The following KCNC2 variants were observed in gnomAD, a reference collection of about 807,000 sequenced individuals.
KCNC2 encodes the protein potassium voltage-gated channel subfamily C member 2.
Under a neutral mutation model 44.5 loss-of-function variants are expected in KCNC2, and 21 were observed. The ratio of observed to expected loss-of-function variants is 0.47; its 90% CI spans 0.33 to 0.68. The LOEUF (loss-of-function observed/expected upper bound fraction) is 0.68, where lower values mean the gene tolerates loss of function less well. Ranked by LOEUF, KCNC2 falls within the 30% of genes least tolerant of loss-of-function variation. The probability of loss-of-function intolerance (pLI) is 0.01; values close to 1 mark genes in which losing one functional copy is unlikely to be tolerated. For missense variants in KCNC2, 589 were observed against 826.2 expected, an observed-to-expected ratio of 0.71 and a Z score of 3.52; for synonymous variants, 391 against 339.1, an observed-to-expected ratio of 1.15 and a Z score of -1.68.
intron 2 of KCNC2, among the ~76,000 whole-genome samples, chr12:75,109,908 T>A (rs1887089184): frequency 6.6e-6 from 1 of 151,958 alleles, no homozygotes; most frequent in Non-Finnish European, 1.5e-5. Flanking sequence ...TTTTTTAAAT[T>A]GGTAGAGGAA....
At chr12:75,193,318 A>G (rs1272097083) in intron 2 of KCNC2, among the ~76,000 whole-genome samples, 2 of 152,320 alleles carry the variant, frequency 1.3e-5, no homozygotes, top group Non-Finnish European at 2.9e-5. Flanking sequence ...TAATGAATAC[A>G]TAGGTTGGAA....
At chr12:75,109,740 C>A (rs1046249277) in intron 2 of KCNC2, among the ~76,000 whole-genome samples, 1 of 151,938 alleles carries the variant, frequency 6.6e-6, no homozygotes, top group Non-Finnish European at 1.5e-5. Context: ...AAAAAGGCCA[C>A]GGAACCCAGA....
In KCNC2 at chr12:75,208,001, G is replaced by T. The variant is rs200343891; in HGVS notation, c.-18C>A. On this transcript the variant is annotated splice_region_variant and 5_prime_UTR_variant, in exon 2 of 5. Transcript: ENST00000549446. Reference sequence around the variant, plus strand: ...TTGCCCATCTCTGTGACTCAGACATGACTAGGGGGAGGCAAACACAGCGCC... The same window carrying T: ...TTGCCCATCTCTGTGACTCAGACATTACTAGGGGGAGGCAAACACAGCGCC... 1 of 1,611,112 alleles carries T rather than the reference G, an allele frequency of 6.2e-7. No homozygotes were observed. The highest frequency in any genetic ancestry group is 8.5e-7 in the Non-Finnish European group (1 of 1,179,388).
intron 2 of KCNC2, among the ~76,000 whole-genome samples, chr12:75,080,421 A>C (rs1884389570): frequency 1.3e-5 from 2 of 152,048 alleles, no homozygotes; most frequent in South Asian, 2.1e-4. Context: ...GAAAAAAAAA[A>C]CCATCTCCAG....
At chr12:75,044,258 A>T (rs1248065812) in intron 4 of KCNC2, among the ~76,000 whole-genome samples, 1 of 152,032 alleles carries the variant, frequency 6.6e-6, no homozygotes, top group Non-Finnish European at 1.5e-5. Flanking sequence ...AGCTTTGGAG[A>T]TGAATATTCT....
At chr12:75,095,914 T>C (rs1380219931) in intron 2 of KCNC2, among the ~76,000 whole-genome samples, 1 of 151,962 alleles carries the variant, frequency 6.6e-6, no homozygotes, top group Non-Finnish European at 1.5e-5. Flanking sequence ...AGGTACTTTA[T>C]ATCAAATTTT....
intron 4 of KCNC2, among the ~76,000 whole-genome samples, chr12:75,046,734 A>T (rs1257809231): frequency 6.6e-6 from 1 of 151,922 alleles, no homozygotes; most frequent in East Asian, 1.9e-4. Context: ...ACAACCAAAT[A>T]AATCTATTGA....
chr12:75,206,222 G>T (rs2446325), intron 2 of KCNC2, among the ~76,000 whole-genome samples: 11,608 of 152,166 alleles, frequency 0.076, 1,477 homozygotes, highest in African/African-American at 0.26. Context: ...TGCCCATGGG[G>T]TGTCTTTTCT....
At chr12:75,064,123 T>G (rs1285795115) in intron 2 of KCNC2, among the ~76,000 whole-genome samples, 1 of 152,046 alleles carries the variant, frequency 6.6e-6, no homozygotes, top group African/African-American at 2.4e-5. Context: ...ATCAGACTCC[T>G]CCCAAATAGA....
At chr12:75,150,380 A>G (rs1188648744) in intron 2 of KCNC2, among the ~76,000 whole-genome samples, 1 of 151,866 alleles carries the variant, frequency 6.6e-6, no homozygotes, top group Non-Finnish European at 1.5e-5. Context: ...TCTAGCCTCC[A>G]GACTAGAACC....
intron 2 of KCNC2, among the ~76,000 whole-genome samples, chr12:75,174,447 A>G (rs1892045649): frequency 6.6e-6 from 1 of 151,908 alleles, no homozygotes; most frequent in Non-Finnish European, 1.5e-5. Context: ...AGATTCCCCT[A>G]TGAATATAAA....
At chr12:75,147,522 G>C (rs928044887) in intron 2 of KCNC2, among the ~76,000 whole-genome samples, 1 of 152,092 alleles carries the variant, frequency 6.6e-6, no homozygotes, top group African/African-American at 2.4e-5. Flanking sequence ...TAAAAGAATA[G>C]GAAAACAAAT....
intron 2 of KCNC2, among the ~76,000 whole-genome samples, chr12:75,115,359 A>G (rs1327494196): frequency 6.6e-6 from 1 of 152,188 alleles, no homozygotes; most frequent in Non-Finnish European, 1.5e-5. Flanking sequence ...TGGTTATTCA[A>G]TTTTACAGAT....
intron 2 of KCNC2, among the ~76,000 whole-genome samples, chr12:75,172,849 C>A (rs770903207): frequency 7.9e-5 from 12 of 151,838 alleles, no homozygotes; most frequent in African/African-American, 1.4e-4. Context: ...CTGTTTCCTT[C>A]TAAGCCCCCA....
chr12:75,195,934 T>C (rs1565686415), intron 2 of KCNC2, among the ~76,000 whole-genome samples: 1 of 152,118 alleles, frequency 6.6e-6, no homozygotes, highest in Non-Finnish European at 1.5e-5. Flanking sequence ...GCTCCAGTGG[T>C]ATTTAATTAT....
chr12:75,188,390 C>A (rs372682549), intron 2 of KCNC2, among the ~76,000 whole-genome samples: 36 of 152,120 alleles, frequency 2.4e-4, no homozygotes, highest in African/African-American at 8.2e-4. Flanking sequence ...TTGGATTTAG[C>A]AAATAAAAAT....
intron 2 of KCNC2, among the ~76,000 whole-genome samples, chr12:75,131,410 T>C (rs1024924639): frequency 1.3e-5 from 2 of 152,184 alleles, no homozygotes; most frequent in Non-Finnish European, 2.9e-5. Context: ...CTTATAGCAG[T>C]AGGCAGAATG....
intron 4 of KCNC2, among the ~76,000 whole-genome samples, chr12:75,044,214 G>C (rs1880228440): frequency 6.6e-6 from 1 of 151,950 alleles, no homozygotes; most frequent in Admixed American, 6.6e-5. Context: ...TTAAAGCAGG[G>C]CAACTATTGA....
chr12:75,152,437 C>T (rs758442279), intron 2 of KCNC2, among the ~76,000 whole-genome samples: 2 of 151,764 alleles, frequency 1.3e-5, no homozygotes, highest in Non-Finnish European at 2.9e-5. Flanking sequence ...TGTCAACATA[C>T]AATTCCATGT....
Sources: gnomAD v4.1 joint callset for allele counts (sites outside exome capture counted in the v4.1 genomes callset) on GRCh38, gnomAD v4.1.1 for gene constraint, MANE v1.5 for transcripts, NCBI Gene and HGNC (gene_info 2026-07-23, HGNC 2026-07-21) for gene names.